The following RPH3A variants were observed in gnomAD, a reference collection of about 807,000 sequenced individuals.
The protein encoded by RPH3A is rabphilin 3A, also known as rabphilin-3A.
Under a neutral mutation model 102.2 loss-of-function variants are expected in RPH3A, and 48 were observed. The observed-to-expected ratio is 0.47, with a 90% CI of 0.37 to 0.60. The LOEUF (loss-of-function observed/expected upper bound fraction) is 0.60, where lower values mean the gene tolerates loss of function less well. RPH3A is among the 20% of genes least tolerant of loss of function. RPH3A has a pLI of 0.00. For synonymous variants in RPH3A, 310 were observed against 324.3 expected, an observed-to-expected ratio of 0.96 and a Z score of 0.47; for missense variants, 781 against 910.1, an observed-to-expected ratio of 0.86 and a Z score of 1.83.
At chr12:112,715,574 A>G (rs1038288759) in intron 1 of RPH3A, among the ~76,000 whole-genome samples, 1 of 152,142 alleles carries the variant, frequency 6.6e-6, no homozygotes, top group Non-Finnish European at 1.5e-5. Context: ...TATTATTTGC[A>G]TTATGTGAAG....
At chr12:112,702,429 C>A (rs1361351959) in intron 1 of RPH3A, among the ~76,000 whole-genome samples, 1 of 152,176 alleles carries the variant, frequency 6.6e-6, no homozygotes, top group East Asian at 1.9e-4. Flanking sequence ...AGCACTTTTG[C>A]CTGGATGGTC....
intron 4 of RPH3A, among the ~76,000 whole-genome samples, chr12:112,839,682 A>AAT (rs1161757760): frequency 2.6e-5 from 4 of 152,324 alleles, no homozygotes; most frequent in Non-Finnish European, 5.9e-5. Flanking sequence ...GGCTAGATTT[A>AAT]AGGAGTAGGA....
At chr12:112,880,345 G>T (rs944087796) in intron 14 of RPH3A, among the ~76,000 whole-genome samples, 1 of 152,088 alleles carries the variant, frequency 6.6e-6, no homozygotes, top group Non-Finnish European at 1.5e-5. Flanking sequence ...ACTTAACACT[G>T]CCCCTCCACC....
chr12:112,865,494 A>G lies in RPH3A; in HGVS notation c.311A>G (p.Gln104Arg), dbSNP rs755591238. The change falls in exon 6 of 22, where the codon CAG becomes CGG. Residue 104 changes from glutamine (Q) to arginine (R), a missense_variant. By Grantham distance (43) the Gln-to-Arg change is conservative. This residue lies in a region of RPH3A where 730 missense variants were observed against 810.0 expected (regional missense o/e 0.90). Transcript: ENST00000389385. ...GVNRCILCGE[Q>R]LGMLGSACVV... ...AACCGCTGCATACTGTGTGGAGAACAGCTGGGGATGCTGGGCTCTGCCTGT... is the reference window on the plus strand; with the variant it reads ...AACCGCTGCATACTGTGTGGAGAACGGCTGGGGATGCTGGGCTCTGCCTGT... 5 of 1,614,084 alleles carry G rather than the reference A, an allele frequency of 3.1e-6. No homozygotes were observed. The Admixed American group carries it at 8.3e-5, about 27-fold the overall frequency.
intron 2 of RPH3A, 28 bp from the exon 3 acceptor site, chr12:112,828,273 A>G (rs757620446): frequency 1.3e-6 from 2 of 1,487,388 alleles, no homozygotes; most frequent in South Asian, 1.1e-5. Flanking sequence ...TGATGGGGTG[A>G]TGTCCTCTCT....
chr12:112,717,466 C>CT (rs2040521551), intron 1 of RPH3A, among the ~76,000 whole-genome samples: 1 of 152,022 alleles, frequency 6.6e-6, no homozygotes, highest in Non-Finnish European at 1.5e-5. Context: ...ATTATATATA[C>CT]TTTCTGTGTT....
At chr12:112,621,867 G>A (rs1276393616) in intron 1 of RPH3A, among the ~76,000 whole-genome samples, 11 of 150,392 alleles carry the variant, frequency 7.3e-5, no homozygotes, top group Admixed American at 1.3e-4. Flanking sequence ...ATCTGAGAAC[G>A]GGCAGACTGC....
intron 1 of RPH3A, among the ~76,000 whole-genome samples, chr12:112,602,776 A>C (rs1271589710): frequency 1.3e-5 from 2 of 152,054 alleles, no homozygotes; most frequent in Admixed American, 1.3e-4. Context: ...GGCGTCACAC[A>C]ATGGGACGCT....
intron 1 of RPH3A, among the ~76,000 whole-genome samples, chr12:112,771,343 T>C (rs1487111152): frequency 6.6e-6 from 1 of 152,238 alleles, no homozygotes; most frequent in Non-Finnish European, 1.5e-5. Flanking sequence ...CTTTTTCAAC[T>C]ATATGAAACA....
At chr12:112,819,577 A>C (rs2041740663) in intron 2 of RPH3A, among the ~76,000 whole-genome samples, 1 of 152,112 alleles carries the variant, frequency 6.6e-6, no homozygotes, top group Non-Finnish European at 1.5e-5. Flanking sequence ...GTAACAAACC[A>C]CCCCACAAAA....
intron 2 of RPH3A, among the ~76,000 whole-genome samples, chr12:112,799,121 C>T (rs910269934): frequency 2.7e-5 from 4 of 150,622 alleles, no homozygotes; most frequent in Non-Finnish European, 2.9e-5. Flanking sequence ...GATGATGGCT[C>T]GCACTTGTAA....
intron 14 of RPH3A, among the ~76,000 whole-genome samples, chr12:112,881,256 C>T (rs2042903867): frequency 6.6e-6 from 1 of 152,230 alleles, no homozygotes; most frequent in African/African-American, 2.4e-5. Flanking sequence ...AGTATCTTAT[C>T]TGAGCCTCAT....
chr12:112,792,804 T>C (rs1219847418), intron 2 of RPH3A, among the ~76,000 whole-genome samples: 1 of 152,170 alleles, frequency 6.6e-6, no homozygotes, highest in Non-Finnish European at 1.5e-5. Flanking sequence ...TTTTGCGAGG[T>C]TGGCTGTTCA....
chr12:112,787,355 G>A (rs755294888), upstream of RPH3A, among the ~76,000 whole-genome samples: 10 of 152,174 alleles, frequency 6.6e-5, no homozygotes, highest in African/African-American at 9.7e-5. Flanking sequence ...AGACAGAAAA[G>A]CACAGAGGAC....
At chr12:112,862,019 A>C (rs958763191) in intron 5 of RPH3A, among the ~76,000 whole-genome samples, 2 of 151,378 alleles carry the variant, frequency 1.3e-5, no homozygotes, top group Non-Finnish European at 3.0e-5. Flanking sequence ...TCTCAAAAAA[A>C]AAAAAAAAAA....
At chr12:112,896,041 G>A (rs1301816071) in intron 21 of RPH3A, among the ~76,000 whole-genome samples, 168 bp downstream of exon 21, 2 of 152,238 alleles carry the variant, frequency 1.3e-5, no homozygotes, top group Non-Finnish European at 2.9e-5. Context: ...ATTTGGGGAT[G>A]TCTTTACATG....
intron 1 of RPH3A, among the ~76,000 whole-genome samples, chr12:112,610,226 G>A (rs1354629206): frequency 1.3e-5 from 2 of 152,134 alleles, no homozygotes; most frequent in Non-Finnish European, 2.9e-5. Context: ...TCCTTGGGTC[G>A]GTGAGGTGGC....
At chr12:112,796,669 A>G (rs2041236377) in intron 2 of RPH3A, among the ~76,000 whole-genome samples, 1 of 152,232 alleles carries the variant, frequency 6.6e-6, no homozygotes, top group Admixed American at 6.5e-5. Context: ...TCTTCCTGCC[A>G]TTGCTATTTA....
chr12:112,737,559 CTTCCCATT>C (rs2040678526), intron 1 of RPH3A, among the ~76,000 whole-genome samples: 1 of 152,154 alleles, frequency 6.6e-6, no homozygotes, highest in Admixed American at 6.5e-5. Context: ...CATGCCATGA[CTTCCCATT>C]TCAATCCCAG....
Sources: gnomAD v4.1 joint callset for allele counts (sites outside exome capture counted in the v4.1 genomes callset) on GRCh38, gnomAD v4.1.1 for gene constraint, gnomAD v4.1.1 regional missense constraint, MANE v1.5 for transcripts, NCBI Gene and HGNC (gene_info 2026-07-23, HGNC 2026-07-21) for gene names.